Variants in GRIK2 observed in about 807,000 individuals in gnomAD.
GRIK2 encodes the protein glutamate receptor ionotropic, kainate 2.
A neutral mutation model predicts 100.3 loss-of-function variants in GRIK2; 32 were observed. The observed-to-expected ratio is 0.32, with a 90% CI of 0.24 to 0.43. GRIK2 has a LOEUF of 0.43. Among genes scored for constraint, GRIK2 ranks in the 20% least tolerant of loss-of-function variants. GRIK2 has a pLI of 1.00. For synonymous variants in GRIK2, 417 were observed against 389.4 expected (o/e 1.07, Z -0.83); for missense variants, 843 against 1,114.9 (o/e 0.76, Z 3.47).
chr6:101,793,623 G>T (rs1310207641), intron 7 of GRIK2, among the ~76,000 whole-genome samples: 1 of 152,164 alleles, frequency 6.6e-6, no homozygotes, highest in Non-Finnish European at 1.5e-5. Flanking sequence ...CCCTACTGGG[G>T]GGTGCCTCCC....
intron 2 of GRIK2, among the ~76,000 whole-genome samples, chr6:101,467,704 A>G (rs1266338678): frequency 6.6e-6 from 1 of 152,102 alleles, no homozygotes; most frequent in Admixed American, 6.6e-5. Flanking sequence ...ATGTCTATCT[A>G]CTCTATTCCC....
In GRIK2 at chr6:101,923,646, C is replaced by A. The variant is rs548558213; in HGVS notation, c.1749-955C>A. On this transcript the variant is annotated intron_variant, in intron 12 of 16. Coordinates refer to ENST00000369134, the MANE Select transcript of GRIK2 (RefSeq NM_021956.5). ...TTCTAAAACTGCTTTGATGGCTCGG[C>A]GCGGTGGCTCACGCCTGTAATCCTA... Among the ~76,000 whole-genome samples, 5 of 152,188 alleles carry A rather than the reference C, an allele frequency of 3.3e-5. No individual in the cohort carries two copies. In the South Asian group the frequency reaches 1.0e-3, roughly 32 times the overall value.
rs116506992 is a variant in GRIK2, at chr6:101,803,316, A to G, written c.1203+878A>G. 6.6e-3 allele frequency among the ~76,000 whole-genome samples: 1,004 copies of G among 151,922 alleles called. 12 individuals are homozygous for G. Among genetic ancestry groups the G allele is most frequent in the African/African-American group, 0.023 (960 of 41,514 alleles). On this transcript the variant is annotated intron_variant, in intron 9 of 16. Transcript: ENST00000369134. ...CTTTCTTAGTCTGGAAGATAACAGC[A>G]TATTTGAATGCTGATTCAAACCATC...
intron 2 of GRIK2, among the ~76,000 whole-genome samples, chr6:101,499,593 T>C (rs947654070): frequency 3.9e-5 from 6 of 152,286 alleles, no homozygotes; most frequent in South Asian, 2.1e-4. Context: ...TTGGAGAAAG[T>C]TAAGTTTCCA....
chr6:101,652,882 A>C (rs2128329274), intron 4 of GRIK2, among the ~76,000 whole-genome samples: 1 of 151,966 alleles, frequency 6.6e-6, no homozygotes. Context: ...GAGGAGTTGA[A>C]ATGCGTTTGT....
At chr6:101,684,928 G>T (rs533013438) in intron 6 of GRIK2, among the ~76,000 whole-genome samples, 88 of 152,140 alleles carry the variant, frequency 5.8e-4, no homozygotes, top group Non-Finnish European at 1.2e-3. Flanking sequence ...GTAGGTCAGA[G>T]AATTCTTTTA....
intron 2 of GRIK2, among the ~76,000 whole-genome samples, chr6:101,407,077 T>C (rs1775634305): frequency 6.6e-6 from 1 of 152,084 alleles, no homozygotes; most frequent in African/African-American, 2.4e-5. Flanking sequence ...ATTAAAGTAA[T>C]GTTCTGCTTC....
intron 10 of GRIK2, among the ~76,000 whole-genome samples, chr6:101,840,339 C>T (rs1004687177): frequency 1.3e-5 from 2 of 152,198 alleles, no homozygotes; most frequent in African/African-American, 4.8e-5. Flanking sequence ...AACTTCATTT[C>T]CTGATACTTA....
chr6:101,689,104 GA>G, intron 7 of GRIK2, among the ~76,000 whole-genome samples: 1 of 151,894 alleles, frequency 6.6e-6, no homozygotes, highest in South Asian at 2.1e-4. Context: ...AAATGTTTAG[GA>G]AAAGAAATTA....
chr6:101,834,160 C>T (rs1782894928), intron 10 of GRIK2, among the ~76,000 whole-genome samples: 1 of 151,914 alleles, frequency 6.6e-6, no homozygotes, highest in Admixed American at 6.6e-5. Context: ...ATAATGTCAC[C>T]ATATAAATTT....
intron 15 of GRIK2, among the ~76,000 whole-genome samples, chr6:102,045,357 A>G (rs1770827669): frequency 6.6e-6 from 1 of 152,122 alleles, no homozygotes; most frequent in African/African-American, 2.4e-5. Flanking sequence ...TACTTTTGCT[A>G]CCTTTTTCTT....
At chr6:101,996,570 G>A (rs373036194) in intron 14 of GRIK2, among the ~76,000 whole-genome samples, 1 of 152,018 alleles carries the variant, frequency 6.6e-6, no homozygotes, top group Non-Finnish European at 1.5e-5. Flanking sequence ...AAACAAAATG[G>A]ACAAAATGTG....
At chr6:101,898,450 C>T (rs1316929634) in intron 12 of GRIK2, among the ~76,000 whole-genome samples, 5 of 151,140 alleles carry the variant, frequency 3.3e-5, no homozygotes, top group South Asian at 2.1e-4. Context: ...TAGTAGTATA[C>T]GGTTTTACAG....
intron 14 of GRIK2, among the ~76,000 whole-genome samples, chr6:102,032,686 T>C (rs1770061822): frequency 6.6e-6 from 1 of 151,338 alleles, no homozygotes; most frequent in South Asian, 2.1e-4. Context: ...TGCAAGAGAA[T>C]GCATTTTGAG....
At chr6:101,478,111 GTTAATGGAATTTATGA>G (rs1331288931) in intron 2 of GRIK2, among the ~76,000 whole-genome samples, 5 of 152,028 alleles carry the variant, frequency 3.3e-5, no homozygotes, top group Admixed American at 1.3e-4. Flanking sequence ...AGTATATAAT[GTTAATGGAATTTATGA>G]TTAATTAATT....
At chr6:101,946,117 A>C (rs944975793) in intron 14 of GRIK2, among the ~76,000 whole-genome samples, 1 of 152,094 alleles carries the variant, frequency 6.6e-6, no homozygotes, top group Admixed American at 6.6e-5. Flanking sequence ...CCAAAACATA[A>C]TTTGTATAAC....
chr6:101,906,366 C>CTCTGTGTGTGTGTGTGTGTG (rs1554283801), intron 12 of GRIK2, among the ~76,000 whole-genome samples: 1 of 145,836 alleles, frequency 6.9e-6, no homozygotes, highest in Non-Finnish European at 1.5e-5. Context: ...AAAACAAGAT[C>CTCTGTGTGTGTGTGTGTGTG]TGTGTGTGTG....
intron 2 of GRIK2, among the ~76,000 whole-genome samples, chr6:101,436,337 C>T (rs917582695): frequency 4.0e-5 from 6 of 151,262 alleles, no homozygotes; most frequent in Non-Finnish European, 7.4e-5. Flanking sequence ...GGATAGTGCA[C>T]AAAACAGAAA....
intron 14 of GRIK2, among the ~76,000 whole-genome samples, chr6:102,005,762 G>A (rs982827529): frequency 6.6e-6 from 1 of 151,978 alleles, no homozygotes; most frequent in African/African-American, 2.4e-5. Context: ...ATATTACTTT[G>A]GTATGGCTAC....
Sources: gnomAD v4.1 joint callset for allele counts (sites outside exome capture counted in the v4.1 genomes callset) on GRCh38, gnomAD v4.1.1 for gene constraint, MANE v1.5 for transcripts, NCBI Gene and HGNC (gene_info 2026-07-23, HGNC 2026-07-21) for gene names.